Variants in COL25A1 observed in about 807,000 individuals in gnomAD.
COL25A1 encodes the protein collagen alpha-1(XXV) chain.
In COL25A1, 103 loss-of-function variants were observed where a neutral mutation model predicts 128.4. The observed-to-expected ratio is 0.80, with a 90% CI of 0.68 to 0.94. The LOEUF is 0.94. Among genes scored for constraint, COL25A1 ranks in the 40% least tolerant of loss-of-function variants. The pLI, the probability that COL25A1 is intolerant of heterozygous loss-of-function variation, is 0.00. For synonymous variants in COL25A1, 279 were observed against 277.2 expected (o/e 1.01, Z -0.06); for missense variants, 745 against 840.0 (o/e 0.89, Z 1.40).
chr4:109,226,693 C>A (rs1470642766), intron 3 of COL25A1, among the ~76,000 whole-genome samples: 2 of 151,932 alleles, frequency 1.3e-5, no homozygotes, highest in African/African-American at 4.8e-5. Context: ...AAATATAATT[C>A]TGGGGAACAA....
At chr4:109,266,930 A>T (rs1282531284) in intron 3 of COL25A1, among the ~76,000 whole-genome samples, 1 of 152,222 alleles carries the variant, frequency 6.6e-6, no homozygotes, top group Non-Finnish European at 1.5e-5. Flanking sequence ...TGAATCTGAG[A>T]TCATCCTAAA....
At chr4:109,005,974 A>C (rs1036595544) in intron 6 of COL25A1, among the ~76,000 whole-genome samples, 1 of 152,176 alleles carries the variant, frequency 6.6e-6, no homozygotes, top group East Asian at 1.9e-4. Flanking sequence ...TTATAAAATC[A>C]AAGAAATCAA....
At chr4:108,871,354 C>T (rs1675297368) in intron 19 of COL25A1, among the ~76,000 whole-genome samples, 1 of 152,126 alleles carries the variant, frequency 6.6e-6, no homozygotes, top group Admixed American at 6.5e-5. Context: ...GAGTCTCAGT[C>T]GCCCAGGCTG....
intron 8 of COL25A1, among the ~76,000 whole-genome samples, chr4:108,957,882 C>G (rs144304960): frequency 2.2e-3 from 332 of 152,190 alleles, no homozygotes; most frequent in African/African-American, 7.6e-3. Flanking sequence ...ATCTAGAAAG[C>G]CTTTCTGGCA....
At chr4:108,820,667 T>C (rs932770451) in intron 35 of COL25A1, among the ~76,000 whole-genome samples, 10 of 151,692 alleles carry the variant, frequency 6.6e-5, no homozygotes, top group Non-Finnish European at 1.3e-4. Flanking sequence ...TCTCATGCCA[T>C]GTATTTACAA....
At chr4:108,999,843 A>G (rs892260775) in intron 6 of COL25A1, among the ~76,000 whole-genome samples, 1 of 152,180 alleles carries the variant, frequency 6.6e-6, no homozygotes, top group African/African-American at 2.4e-5. Context: ...GGAAACCATC[A>G]TTCTCAGCAA....
chr4:108,899,310 C>A (rs1742546724), intron 14 of COL25A1, 130 bp from the exon 15 acceptor site: 2 of 708,226 alleles, frequency 2.8e-6, no homozygotes, highest in South Asian at 4.3e-5. Flanking sequence ...TGGCTACATG[C>A]AGTTGCTATA....
intron 3 of COL25A1, among the ~76,000 whole-genome samples, chr4:109,109,924 T>A (rs558858193): frequency 1.3e-5 from 2 of 152,180 alleles, no homozygotes; most frequent in Admixed American, 6.5e-5. Context: ...TTATCTCACA[T>A]GTCATTGTTT....
At chr4:109,148,517 C>T (rs1209944305) in intron 3 of COL25A1, among the ~76,000 whole-genome samples, 3 of 152,294 alleles carry the variant, frequency 2.0e-5, no homozygotes, top group East Asian at 3.9e-4. Context: ...CCTGCTCATC[C>T]GTCACCACGT....
chr4:109,163,978 C>T (rs1400924157), intron 3 of COL25A1, among the ~76,000 whole-genome samples: 1 of 152,040 alleles, frequency 6.6e-6, no homozygotes. Flanking sequence ...AGTAGTAAAA[C>T]CTGAGTAATA....
At chr4:108,914,594 G>A (rs1744641894) in intron 13 of COL25A1, among the ~76,000 whole-genome samples, 1 of 151,192 alleles carries the variant, frequency 6.6e-6, no homozygotes, top group African/African-American at 2.4e-5. Context: ...TTTCTATGAG[G>A]AATTCACCTG....
intron 32 of COL25A1, among the ~76,000 whole-genome samples, chr4:108,827,960 C>G (rs1252174784): frequency 5.9e-5 from 9 of 152,158 alleles, no homozygotes; most frequent in Non-Finnish European, 1.0e-4. Context: ...TGCTTATTCT[C>G]TGCTACCCTC....
intron 11 of COL25A1, among the ~76,000 whole-genome samples, chr4:108,923,979 A>C (rs1349238993): frequency 6.6e-6 from 1 of 152,180 alleles, no homozygotes; most frequent in Admixed American, 6.6e-5. Flanking sequence ...TTTTCAACAT[A>C]ATTTCTTTGC....
chr4:109,068,019 T>C (rs1162259040), intron 3 of COL25A1, among the ~76,000 whole-genome samples: 3 of 152,136 alleles, frequency 2.0e-5, no homozygotes, highest in African/African-American at 4.8e-5. Context: ...TCAGTTCTCA[T>C]TACACAATAA....
chr4:109,020,007 T>C (rs1320550710), intron 5 of COL25A1, among the ~76,000 whole-genome samples: 2 of 152,228 alleles, frequency 1.3e-5, no homozygotes, highest in Non-Finnish European at 2.9e-5. Context: ...ATAGGTTATA[T>C]ATCTGATTCC....
In COL25A1 at chr4:109,290,169, C is replaced by G. The variant is rs367979285; in HGVS notation, c.367+10414G>C. 1.5e-4 allele frequency among the ~76,000 whole-genome samples: 23 copies of G among 152,034 alleles called. 1 individual carries two copies. Among genetic ancestry groups the G allele is most frequent in the East Asian group, 1.2e-3 (6 of 5,186 alleles). ...TAAAAGAATAAAACACATTCTGACT[C>G]TAATGTGTCATGAACTCACCCACAG... On this transcript the variant is annotated intron_variant, in intron 3 of 37. Transcript: ENST00000399132.
chr4:109,246,016 C>CAAAAAA lies in COL25A1; in HGVS notation c.367+54561_367+54566dup, dbSNP rs772260651. 5.8e-3 allele frequency among the ~76,000 whole-genome samples: 377 copies of CAAAAAA among 65,524 alleles called. 2 individuals are homozygous for CAAAAAA. Among genetic ancestry groups the CAAAAAA allele is most frequent in the African/African-American group, 0.014 (284 of 19,996 alleles). The allele number at this position is 65,524 out of a possible 152,430, so 43.0% of individuals were successfully genotyped here. On this transcript the variant is annotated intron_variant, in intron 3 of 37. Coordinates refer to ENST00000399132, the MANE Select transcript of COL25A1 (RefSeq NM_198721.4). ...CTCTAGTTGCTTTTTTGTTAAAAAGCAAAAAAAAAAAAAAAAAAAATTTAA... is the reference window on the plus strand; with the variant it reads ...CTCTAGTTGCTTTTTTGTTAAAAAGCAAAAAAAAAAAAAAAAAAAAAAAAAATTTAA...
chr4:108,987,740 CA>C (rs561677797), intron 6 of COL25A1, among the ~76,000 whole-genome samples: 1 of 151,906 alleles, frequency 6.6e-6, no homozygotes, highest in African/African-American at 2.4e-5. Flanking sequence ...AAAACAAAAA[CA>C]AAAAAAAACC....
intron 3 of COL25A1, among the ~76,000 whole-genome samples, chr4:109,188,673 C>T (rs1213790806): frequency 6.6e-6 from 1 of 152,092 alleles, no homozygotes; most frequent in Admixed American, 6.5e-5. Context: ...TATCTCTTAT[C>T]TCAAGATTGA....
Sources: allele counts gnomAD v4.1 joint callset (sites outside exome capture counted in the v4.1 genomes callset), GRCh38; gene constraint gnomAD v4.1.1; transcripts MANE v1.5; gene names NCBI Gene and HGNC (gene_info 2026-07-23, HGNC 2026-07-21).